SERINC1: variants seen among roughly 807,000 people sequenced by gnomAD.
The protein encoded by SERINC1 is serine incorporator 1, also known as tumor differentially expressed protein 2.
SERINC1 carries 38 observed loss-of-function variants against 52.9 expected under a neutral mutation model. The ratio of observed to expected loss-of-function variants is 0.72; its 90% CI spans 0.55 to 0.94. The LOEUF is 0.94. Ranked by LOEUF, SERINC1 falls within the 40% of genes least tolerant of loss-of-function variation. The pLI is 0.00. For missense variants in SERINC1, 471 were observed against 533.9 expected, an observed-to-expected ratio of 0.88 and a Z score of 1.16; for synonymous variants, 198 against 183.1, an observed-to-expected ratio of 1.08 and a Z score of -0.66.
chr6:122,449,824 C>G (rs1235176099), intron 7 of SERINC1, among the ~76,000 whole-genome samples: 1 of 152,120 alleles, frequency 6.6e-6, no homozygotes, highest in Non-Finnish European at 1.5e-5. Context: ...CGAGAACAGC[C>G]TGGCTAACAT....
Position 122,451,712 on chromosome 6 carries a change from T to C in SERINC1, c.802A>G (p.Thr268Ala). 1 of 1,192,734 alleles carries C rather than the reference T, an allele frequency of 8.4e-7. No homozygotes were observed. Among genetic ancestry groups the C allele is most frequent in the Non-Finnish European group, 1.1e-6 (1 of 914,110 alleles). 73.9% of individuals were successfully genotyped at this position (1,192,734 alleles called of 1,614,324 possible). ...CATGTCAAATACATTGTGTAGACTG[T>C]AATTACTGAAGACTGTAACAAACCA... ...RSGLLQSSVI[T>A]VYTMYLTWSA... Residue 268 changes from threonine (T) to alanine (A), a missense_variant, in exon 7 of 10, where the codon ACA becomes GCA. Physicochemically the swap from Thr to Ala is moderately conservative, Grantham distance 58 (BLOSUM62 0). Coordinates refer to ENST00000339697, the MANE Select transcript of SERINC1 (RefSeq NM_020755.4).
chr6:122,459,684 G>A (rs1167962074), intron 1 of SERINC1, among the ~76,000 whole-genome samples: 2 of 152,008 alleles, frequency 1.3e-5, no homozygotes, highest in East Asian at 3.9e-4. Flanking sequence ...GTAAGAAAAG[G>A]AAATCCCCTA....
At chr6:122,453,089 C>G (rs988120819) in intron 5 of SERINC1, among the ~76,000 whole-genome samples, 1 of 152,152 alleles carries the variant, frequency 6.6e-6, no homozygotes, top group Non-Finnish European at 1.5e-5. Flanking sequence ...TAGTAATGCA[C>G]TTTAGATGGG....
At chr6:122,462,947 A>G (rs530677645) in intron 1 of SERINC1, among the ~76,000 whole-genome samples, 1 of 152,298 alleles carries the variant, frequency 6.6e-6, no homozygotes, top group East Asian at 1.9e-4. Flanking sequence ...CACAATCCCA[A>G]CATCAGATTT....
At chr6:122,465,358 C>A (rs1276003762) in intron 1 of SERINC1, among the ~76,000 whole-genome samples, 1 of 152,132 alleles carries the variant, frequency 6.6e-6, no homozygotes, top group Non-Finnish European at 1.5e-5. Context: ...CATTCCATTT[C>A]TTGCACTAGT....
intron 4 of SERINC1, 96 bp downstream of exon 4, chr6:122,454,055 C>T (rs1247369465): frequency 4.3e-6 from 5 of 1,154,958 alleles, no homozygotes; most frequent in Admixed American, 2.6e-5. Context: ...CACACACCCC[C>T]AAACAAAAAG....
intron 1 of SERINC1, among the ~76,000 whole-genome samples, chr6:122,460,842 G>A (rs1318084739): frequency 6.6e-6 from 1 of 152,082 alleles, no homozygotes; most frequent in Non-Finnish European, 1.5e-5. Flanking sequence ...ACATGCTCAA[G>A]GAAGTAGAGG....
At chr6:122,445,286 G>T in intron 9 of SERINC1, 107 bp from the exon 10 acceptor site, 2 of 1,055,644 alleles carry the variant, frequency 1.9e-6, no homozygotes, top group Non-Finnish European at 2.7e-6. Flanking sequence ...TACAGTTTGT[G>T]ATTTCAGATA....
chr6:122,457,804 C>CATAT (rs60098882), intron 2 of SERINC1, among the ~76,000 whole-genome samples: 71,633 of 147,398 alleles, frequency 0.49, 17,317 homozygotes, highest in South Asian at 0.62. Context: ...GTAAGACATA[C>CATAT]ATATATATAT....
intron 7 of SERINC1, among the ~76,000 whole-genome samples, chr6:122,449,775 G>A (rs1258113717): frequency 6.6e-6 from 1 of 152,228 alleles, no homozygotes; most frequent in Non-Finnish European, 1.5e-5. Context: ...TCAGCACTTT[G>A]GGAGGCTGAG....
chr6:122,470,943 T>C (rs1230706486), intron 1 of SERINC1, among the ~76,000 whole-genome samples: 1 of 151,702 alleles, frequency 6.6e-6, no homozygotes, highest in Non-Finnish European at 1.5e-5. Flanking sequence ...ATACTGAAAA[T>C]AGTTTTACTC....
chr6:122,447,985 G>A (rs1041660414), intron 7 of SERINC1, among the ~76,000 whole-genome samples: 4 of 151,860 alleles, frequency 2.6e-5, no homozygotes, highest in African/African-American at 7.3e-5. Context: ...GTGGTGGCAT[G>A]TGCCTGTAGT....
chr6:122,451,843 A>G, intron 6 of SERINC1, 45 bp downstream of exon 6: 1 of 1,316,586 alleles, frequency 7.6e-7, no homozygotes, highest in Non-Finnish European at 9.9e-7. Context: ...TTGAAAACTT[A>G]AAAAGGTATA....
intron 1 of SERINC1, 119 bp downstream of exon 1, chr6:122,471,580 A>AG: frequency 8.4e-7 from 1 of 1,189,158 alleles, no homozygotes; most frequent in Non-Finnish European, 1.2e-6. Flanking sequence ...GGGGACAGAG[A>AG]GGGCACTCCC....
At chr6:122,459,281 G>A (rs1171639848) in intron 1 of SERINC1, among the ~76,000 whole-genome samples, 2 of 152,158 alleles carry the variant, frequency 1.3e-5, no homozygotes, top group Non-Finnish European at 2.9e-5. Flanking sequence ...ATATCTTCCT[G>A]TCTAGGAGAG....
intron 3 of SERINC1, 128 bp from the exon 4 acceptor site, chr6:122,454,358 T>G (rs1221396962): frequency 1.7e-6 from 1 of 604,746 alleles, no homozygotes; most frequent in African/African-American, 1.9e-5. Flanking sequence ...TTTCTGAGGA[T>G]ATTATGATCT....
At position 122,458,411 on chromosome 6, in the gene SERINC1, ACTGT is replaced by A. The variant is rs145077165; in HGVS notation, c.201+105_201+108del. On this transcript the variant is annotated intron_variant, in intron 2 of 9. Transcript: ENST00000339697. ...TTATGAACTACAACTAGGATTACAT[ACTGT>A]CTTATTCTATATTATTCTGTTTACA... is the stretch of plus-strand genomic sequence containing the variant. 4.1e-3 allele frequency: 2,666 copies of A among 654,614 alleles called. 78 individuals are homozygous for A. In the East Asian group the frequency reaches 0.06, roughly 15 times the overall value. 40.6% of individuals were successfully genotyped at this position (654,614 alleles called of 1,614,324 possible).
Position 122,453,898 on chromosome 6 carries a change from T to C in SERINC1, c.461A>G (p.Tyr154Cys). The C allele has an allele frequency of 1.3e-6, 2 of 1,594,570 alleles. No individual in the cohort carries two copies. Among genetic ancestry groups the C allele is most frequent in the African/African-American group, 1.3e-5 (1 of 74,522 alleles). ...PEGTFTTVWFYVGMAGAFCFI... is the reference protein window; with the variant it reads ...PEGTFTTVWFCVGMAGAFCFI... The stretch of plus-strand genomic sequence containing the variant: ...ACAAAAGGCACCTGCCATGCCTACA[T>C]AAAACCACACTGAAAGGGAAAGAAA... Residue 154 changes from tyrosine (Y) to cysteine (C), a missense_variant, in exon 5 of 10, where the codon TAT becomes TGT. Physicochemically the swap from Tyr to Cys is radical, Grantham distance 194 (BLOSUM62 -2). Coordinates refer to ENST00000339697, the MANE Select transcript of SERINC1 (RefSeq NM_020755.4).
intron 1 of SERINC1, among the ~76,000 whole-genome samples, chr6:122,470,317 T>C (rs1775258934): frequency 6.6e-6 from 1 of 152,202 alleles, no homozygotes; most frequent in Admixed American, 6.5e-5. Flanking sequence ...TCAATAAAGG[T>C]GGCGATCTAT....
Sources: gnomAD v4.1 joint callset for allele counts (sites outside exome capture counted in the v4.1 genomes callset) on GRCh38, gnomAD v4.1.1 for gene constraint, MANE v1.5 for transcripts, NCBI Gene and HGNC (gene_info 2026-07-23, HGNC 2026-07-21) for gene names.